Variants in SLC29A4 observed in about 807,000 individuals in gnomAD.
The protein encoded by SLC29A4 is equilibrative nucleoside transporter 4.
In SLC29A4, 36 loss-of-function variants were observed where a neutral mutation model predicts 43.9. The observed-to-expected ratio is 0.82, with a 90% confidence interval of 0.63 to 1.08. The LOEUF (loss-of-function observed/expected upper bound fraction) is 1.08, where lower values mean the gene tolerates loss of function less well. Among genes scored for constraint, SLC29A4 ranks in the 50% least tolerant of loss-of-function variants. The pLI is 0.00. For synonymous variants in SLC29A4, 491 were observed against 338.0 expected (o/e 1.45, Z -4.97); for missense variants, 869 against 755.3 (o/e 1.15, Z -1.77).
chr7:5,286,035 A>G (rs1784923873), intron 1 of SLC29A4, among the ~76,000 whole-genome samples: 1 of 151,896 alleles, frequency 6.6e-6, no homozygotes, highest in Admixed American at 6.6e-5. Context: ...AAACAAAAAA[A>G]TCAAGGTTCC....
At chr7:5,294,519 GCAGA>G (rs1785518131) in intron 5 of SLC29A4, among the ~76,000 whole-genome samples, 1 of 152,102 alleles carries the variant, frequency 6.6e-6, no homozygotes, top group Non-Finnish European at 1.5e-5. Context: ...AGGGCCTCAG[GCAGA>G]CAGTCCTCTC....
rs189755557 is a variant in SLC29A4, at chr7:5,292,051, C to A, written c.544+230C>A. The stretch of plus-strand genomic sequence containing the variant: ...TGTAGCCACAGAGACTCTGAGGCAG[C>A]CCCTGGTTTCCCTGGTATAAACAGG... On this transcript the variant is annotated intron_variant, in intron 5 of 10. Coordinates refer to ENST00000396872, the MANE Select transcript of SLC29A4 (RefSeq NM_153247.4). Among the ~76,000 whole-genome samples, 348 of 152,342 alleles carry A rather than the reference C, an allele frequency of 2.3e-3. 1 individual carries two copies. Among genetic ancestry groups the A allele is most frequent in the African/African-American group, 7.8e-3 (325 of 41,592 alleles).
At chr7:5,295,716 C>G (rs1364011256) in intron 6 of SLC29A4, among the ~76,000 whole-genome samples, 2 of 152,234 alleles carry the variant, frequency 1.3e-5, no homozygotes, top group African/African-American at 4.8e-5. Context: ...TGGGGGCGTT[C>G]TGCAACCCTC....
At chr7:5,297,690 G>C (rs1167893314) in intron 7 of SLC29A4, among the ~76,000 whole-genome samples, 2 of 152,168 alleles carry the variant, frequency 1.3e-5, no homozygotes, top group African/African-American at 4.8e-5. Flanking sequence ...TCAGGGCTCA[G>C]GGATAACCCT....
chr7:5,289,021 G>C (rs1337644339), intron 2 of SLC29A4, among the ~76,000 whole-genome samples: 2 of 152,286 alleles, frequency 1.3e-5, no homozygotes, highest in Admixed American at 1.3e-4. Flanking sequence ...GCTTGGGCCT[G>C]TCCCTGGCAC....
intron 6 of SLC29A4, among the ~76,000 whole-genome samples, 185 bp downstream of exon 6, chr7:5,295,119 C>T (rs1173338330): frequency 6.6e-6 from 1 of 152,122 alleles, no homozygotes; most frequent in Admixed American, 6.5e-5. Flanking sequence ...AAGGGGTGCA[C>T]TCCCACATGG....
At chr7:5,293,265 A>C (rs1313267834) in intron 5 of SLC29A4, among the ~76,000 whole-genome samples, 1 of 139,482 alleles carries the variant, frequency 7.2e-6, no homozygotes. Flanking sequence ...TCCGTCTCCC[A>C]GGTTCAAGGG....
Position 5,302,752 on chromosome 7 carries a change from G to A in SLC29A4, c.1451-45G>A, listed in dbSNP as rs572600246. ...ACACCCGAGCAGCCGTGGCCACCAG[G>A]TGGCCGCCCTGGCCCTGCTCCCCTC... On this transcript the variant is annotated intron_variant, in intron 10 of 10. Transcript: ENST00000396872. The A allele has an allele frequency of 6.0e-5, 92 of 1,527,484 alleles. No individual in the cohort carries two copies. In the African/African-American group the frequency reaches 1.1e-3, roughly 19 times the overall value. The allele number at this position is 1,527,484 out of a possible 1,614,324, so 94.6% of individuals were successfully genotyped here.
In SLC29A4 at chr7:5,302,670, G is replaced by A. The variant is rs1212959513; in HGVS notation, c.1451-127G>A. 25 of 905,524 alleles carry A rather than the reference G, an allele frequency of 2.8e-5. No homozygotes were observed. The East Asian group carries it at 3.8e-4, about 14-fold the overall frequency. 56.1% of individuals were successfully genotyped at this position (905,524 alleles called of 1,614,324 possible). ...CGGAGAGGGTGCTCCCAGGAGGAGC[G>A]ATGGGGCAGCGGGTCCTGGAGGGGC... On this transcript the variant is annotated intron_variant, in intron 10 of 10. Coordinates refer to ENST00000396872, the MANE Select transcript of SLC29A4 (RefSeq NM_153247.4).
chr7:5,284,035 C>G (rs1025660480), intron 1 of SLC29A4, among the ~76,000 whole-genome samples: 14 of 61,038 alleles, frequency 2.3e-4, no homozygotes, highest in East Asian at 5.1e-4. Context: ...CTGCACGACC[C>G]CCCCCCCCAC....
intron 7 of SLC29A4, 116 bp downstream of exon 7, chr7:5,297,314 T>A: frequency 1.1e-5 from 13 of 1,206,502 alleles, no homozygotes; most frequent in Non-Finnish European, 1.4e-5. Context: ...TGTGGTCTCC[T>A]CCTGTGGTGG....
At chr7:5,291,557 T>A in intron 4 of SLC29A4, 136 bp from the exon 5 acceptor site, 1 of 1,228,222 alleles carries the variant, frequency 8.1e-7, no homozygotes, top group Non-Finnish European at 1.1e-6. Context: ...CCTGTTAGAC[T>A]CGTAAAGCAT....
chr7:5,290,611 G>A (rs1164176858), intron 2 of SLC29A4, 121 bp from the exon 3 acceptor site: 11 of 1,315,664 alleles, frequency 8.4e-6, no homozygotes, highest in Admixed American at 2.4e-5. Context: ...GAGGGGAGCA[G>A]GGGTCACGGT....
Position 5,304,969 on chromosome 7 carries a change from A to C in SLC29A4, c.*2030A>C, listed in dbSNP as rs1444217858. 1.3e-5 allele frequency: 2 copies of C among 152,200 alleles called. No homozygotes were observed. The highest frequency in any genetic ancestry group is 2.9e-5 in the Non-Finnish European group (2 of 68,072). The allele number at this position is 152,200 out of a possible 1,614,324, so 9.4% of individuals were successfully genotyped here. A position where few individuals can be genotyped will look rare whatever the true frequency, so the allele number is the denominator to read the frequency against. On this transcript the variant is annotated 3_prime_UTR_variant, in exon 11 of 11. Transcript: ENST00000396872. ...ATAGCTGTGAATACAGGCGCGTGCC[A>C]CCACGTCTGGCCAGATTCTTTTATT...
intron 7 of SLC29A4, 86 bp downstream of exon 7, chr7:5,297,284 C>G (rs1345500342): frequency 1.4e-5 from 20 of 1,395,912 alleles, no homozygotes; most frequent in Non-Finnish European, 1.8e-5. Flanking sequence ...GGGGCCCAGC[C>G]TCTCACCTGC....
At chr7:5,297,725 G>A (rs990161605) in intron 7 of SLC29A4, among the ~76,000 whole-genome samples, 2 of 152,166 alleles carry the variant, frequency 1.3e-5, no homozygotes, top group African/African-American at 4.8e-5. Context: ...AATGTGGCGG[G>A]GCCCCCAGAA....
In SLC29A4 at chr7:5,302,874, C is replaced by T. The variant is rs750130211; in HGVS notation, c.1528C>T (p.Arg510Cys). Residue 510 changes from arginine (R) to cysteine (C), a missense_variant, in exon 11 of 11, where the codon CGC becomes TGC. By Grantham distance (180) the Arg-to-Cys change is radical. Transcript: ENST00000396872. ...AVAYCTYSLTRDAHGSCLHAS... is the reference protein window; with the variant it reads ...AVAYCTYSLTCDAHGSCLHAS... ...GGCCTACTGCACCTACAGCCTCACC[C>T]GCGACGCTCACGGCAGCTGCCTGCA... The T allele has an allele frequency of 9.4e-6, 15 of 1,604,238 alleles. No homozygotes were observed. The highest frequency in any genetic ancestry group is 1.1e-5 in the South Asian group (1 of 89,144).
At position 5,303,043 on chromosome 7, in the gene SLC29A4, C is replaced by T. The variant is rs1425145100; in HGVS notation, c.*104C>T. ...CCTCAGTGCCTGCGGGGCCCTGAGC[C>T]TCCCCCTGTGCCAGCAGCCCCACTC... On this transcript the variant is annotated 3_prime_UTR_variant, in exon 11 of 11. Transcript: ENST00000396872. The T allele has an allele frequency of 2.2e-6, 3 of 1,347,852 alleles. No homozygotes were observed. The African/African-American group carries it at 4.4e-5, about 20-fold the overall frequency. The allele number at this position is 1,347,852 out of a possible 1,614,324, so 83.5% of individuals were successfully genotyped here.
intron 4 of SLC29A4, 117 bp downstream of exon 4, chr7:5,291,354 T>G: frequency 2.0e-6 from 2 of 993,638 alleles, no homozygotes; most frequent in Non-Finnish European, 3.0e-6. Context: ...ATGGGCACAC[T>G]TCCTAGGGCT....
Sources: gnomAD v4.1 joint callset for allele counts (sites outside exome capture counted in the v4.1 genomes callset) on GRCh38, gnomAD v4.1.1 for gene constraint, MANE v1.5 for transcripts, NCBI Gene and HGNC (gene_info 2026-07-23, HGNC 2026-07-21) for gene names.